The following EPC2 variants were observed in gnomAD, a reference collection of about 807,000 sequenced individuals.
EPC2 encodes the protein enhancer of polycomb homolog 2.
Under a neutral mutation model 92.1 loss-of-function variants are expected in EPC2, and 14 were observed. The ratio of observed to expected loss-of-function variants is 0.15; its 90% CI spans 0.10 to 0.24. The LOEUF is 0.24. EPC2 is among the 10% of genes least tolerant of loss of function. EPC2 has a pLI of 1.00. For missense variants in EPC2, 755 were observed against 971.5 expected (o/e 0.78, Z 2.96); for synonymous variants, 340 against 334.7 (o/e 1.02, Z -0.17).
At chr2:148,774,735 A>G (rs1220722107) in intron 10 of EPC2, among the ~76,000 whole-genome samples, 1 of 151,794 alleles carries the variant, frequency 6.6e-6, no homozygotes, top group Non-Finnish European at 1.5e-5. Flanking sequence ...TTCATTTGAA[A>G]GCAGAGATGT....
intron 2 of EPC2, among the ~76,000 whole-genome samples, chr2:148,725,402 A>T (rs573588219): frequency 2.6e-4 from 39 of 151,886 alleles, no homozygotes; most frequent in African/African-American, 8.5e-4. Context: ...CCTCACCCTC[A>T]TTATTTTCAT....
chr2:148,749,217 T>G (rs774931532), intron 3 of EPC2, among the ~76,000 whole-genome samples: 4 of 152,154 alleles, frequency 2.6e-5, no homozygotes, highest in Non-Finnish European at 5.9e-5. Context: ...CCAGCTATAG[T>G]CCTCATGCCG....
chr2:148,702,542 A>T (rs1284860457), intron 2 of EPC2, among the ~76,000 whole-genome samples: 3 of 152,198 alleles, frequency 2.0e-5, no homozygotes, highest in African/African-American at 7.2e-5. Context: ...AACTTCTAAC[A>T]AATTCTTCAC....
intron 1 of EPC2, among the ~76,000 whole-genome samples, chr2:148,683,080 T>TA (rs201692154): frequency 3.1e-4 from 46 of 149,910 alleles, no homozygotes; most frequent in East Asian, 7.8e-4. Context: ...GATCTTAAAT[T>TA]TTTTTTTTTT....
chr2:148,774,624 T>TATATATATATA (rs935978031), intron 10 of EPC2, among the ~76,000 whole-genome samples: 1 of 132,574 alleles, frequency 7.5e-6, no homozygotes, highest in African/African-American at 2.7e-5. Flanking sequence ...AAAATATATT[T>TATATATATATA]TATATATATA....
chr2:148,776,303 A>G (rs1683644436), intron 10 of EPC2, among the ~76,000 whole-genome samples: 1 of 152,210 alleles, frequency 6.6e-6, no homozygotes. Flanking sequence ...AAAGTATTTT[A>G]GTTTGACTAT....
At chr2:148,707,549 T>C (rs995108611) in intron 2 of EPC2, among the ~76,000 whole-genome samples, 4 of 152,220 alleles carry the variant, frequency 2.6e-5, no homozygotes, top group Non-Finnish European at 5.9e-5. Flanking sequence ...ATATACATTC[T>C]TCTCAGCACC....
chr2:148,749,936 T>A (rs1383560118), intron 3 of EPC2, among the ~76,000 whole-genome samples: 2 of 152,152 alleles, frequency 1.3e-5, no homozygotes, highest in African/African-American at 4.8e-5. Context: ...GTTTTAACTT[T>A]ATATTATTAA....
chr2:148,684,839 G>A (rs1681482376), intron 1 of EPC2, among the ~76,000 whole-genome samples: 1 of 152,220 alleles, frequency 6.6e-6, no homozygotes, highest in Non-Finnish European at 1.5e-5. Context: ...ATGGTAGAAA[G>A]TCTGTGCTTC....
chr2:148,713,899 TC>T (rs1368154107), intron 2 of EPC2, among the ~76,000 whole-genome samples: 2 of 152,196 alleles, frequency 1.3e-5, no homozygotes, highest in Non-Finnish European at 2.9e-5. Context: ...TCAGAATGTT[TC>T]TTTTTTATTT....
chr2:148,678,614 C>T (rs1681324558), intron 1 of EPC2, among the ~76,000 whole-genome samples: 1 of 152,266 alleles, frequency 6.6e-6, no homozygotes, highest in Admixed American at 6.5e-5. Flanking sequence ...GCTGGGGGAC[C>T]CAGTACAGCC....
intron 1 of EPC2, among the ~76,000 whole-genome samples, chr2:148,687,092 C>G (rs1681542926): frequency 6.6e-6 from 1 of 152,246 alleles, no homozygotes; most frequent in South Asian, 2.1e-4. Context: ...GTGATCTTAA[C>G]TAGATCTTCT....
intron 4 of EPC2, among the ~76,000 whole-genome samples, chr2:148,754,593 C>CAT (rs1259030792): frequency 1.3e-5 from 2 of 152,186 alleles, no homozygotes; most frequent in Non-Finnish European, 2.9e-5. Context: ...CCTTGGAAAC[C>CAT]ATATTGTAGT....
intron 2 of EPC2, among the ~76,000 whole-genome samples, chr2:148,740,756 A>G (rs1682866438): frequency 6.6e-6 from 1 of 152,156 alleles, no homozygotes; most frequent in Admixed American, 6.5e-5. Flanking sequence ...TAAATTCAGT[A>G]TATTGTGTTA....
chr2:148,719,654 GCCTGTAGGGGGTGGTTGGAGACC>G (rs544730056), intron 2 of EPC2, among the ~76,000 whole-genome samples: 18 of 152,298 alleles, frequency 1.2e-4, no homozygotes, highest in African/African-American at 4.3e-4. Flanking sequence ...ACCTGAACAC[GCCTGTAGGGGGTGGTTGGAGACC>G]CCAGTTGGGA....
intron 2 of EPC2, among the ~76,000 whole-genome samples, chr2:148,722,164 G>A (rs1044668282): frequency 6.6e-6 from 1 of 152,096 alleles, no homozygotes; most frequent in Non-Finnish European, 1.5e-5. Flanking sequence ...GGTGTGTTTT[G>A]TGGGGTGAGA....
At chr2:148,703,992 A>G (rs906356633) in intron 2 of EPC2, among the ~76,000 whole-genome samples, 5 of 152,214 alleles carry the variant, frequency 3.3e-5, no homozygotes, top group Non-Finnish European at 7.3e-5. Flanking sequence ...AAACAGTATG[A>G]TCGTCCCTCA....
At chr2:148,762,845 G>C in intron 6 of EPC2, 43 bp downstream of exon 6, 1 of 1,539,956 alleles carries the variant, frequency 6.5e-7, no homozygotes, top group East Asian at 2.3e-5. Context: ...TGGTAATGTT[G>C]ATCAGAGGAG....
intron 3 of EPC2, among the ~76,000 whole-genome samples, chr2:148,744,989 G>C (rs1280651083): frequency 4.9e-3 from 225 of 46,332 alleles, no homozygotes; most frequent in Non-Finnish European, 6.5e-3. Context: ...CTATCAGTTT[G>C]CCCCCCCCCC....
Sources: allele counts gnomAD v4.1 joint callset (sites outside exome capture counted in the v4.1 genomes callset), GRCh38; gene constraint gnomAD v4.1.1; transcripts MANE v1.5; gene names NCBI Gene and HGNC (gene_info 2026-07-23, HGNC 2026-07-21).